KCNN2: variants seen among roughly 807,000 people sequenced by gnomAD.
The protein encoded by KCNN2 is small conductance calcium-activated potassium channel protein 2.
A neutral mutation model predicts 55.5 loss-of-function variants in KCNN2; 24 were observed. The observed-to-expected ratio is 0.43, with a 90% CI of 0.31 to 0.61. The LOEUF is 0.61. Ranked by LOEUF, KCNN2 falls within the 20% of genes least tolerant of loss-of-function variation. The pLI is 0.08. For missense variants in KCNN2, 754 were observed against 853.6 expected (o/e 0.88, Z 1.45); for synonymous variants, 431 against 336.1 (o/e 1.28, Z -3.09).
At chr5:114,384,870 A>G (rs915062324) in intron 2 of KCNN2, among the ~76,000 whole-genome samples, 4 of 152,214 alleles carry the variant, frequency 2.6e-5, no homozygotes, top group East Asian at 1.9e-4. Flanking sequence ...CACATTTGCC[A>G]TCACTTTCTG....
chr5:114,186,098 T>C (rs1050436285), intron 1 of KCNN2, among the ~76,000 whole-genome samples: 1 of 152,216 alleles, frequency 6.6e-6, no homozygotes, highest in African/African-American at 2.4e-5. Flanking sequence ...GTTTCTTTCC[T>C]CTTTCCTTAG....
intron 2 of KCNN2, among the ~76,000 whole-genome samples, chr5:114,299,201 T>C (rs1756099123): frequency 6.6e-6 from 1 of 151,596 alleles, no homozygotes; most frequent in Admixed American, 6.6e-5. Flanking sequence ...TAAGGCTGCC[T>C]CCTCTATGTT....
intron 2 of KCNN2, among the ~76,000 whole-genome samples, chr5:114,286,975 A>T (rs576285324): frequency 9.3e-4 from 142 of 152,348 alleles, no homozygotes; most frequent in Non-Finnish European, 1.7e-3. Flanking sequence ...TCCAATGTAA[A>T]GAAAAACATG....
intron 2 of KCNN2, among the ~76,000 whole-genome samples, chr5:114,254,786 T>C (rs554640892): frequency 2.0e-5 from 3 of 152,292 alleles, no homozygotes; most frequent in Non-Finnish European, 4.4e-5. Flanking sequence ...CCTGAAGCTG[T>C]AACTTAAAAA....
At chr5:114,214,625 A>C (rs2112585599) in intron 1 of KCNN2, among the ~76,000 whole-genome samples, 1 of 152,168 alleles carries the variant, frequency 6.6e-6, no homozygotes, top group East Asian at 1.9e-4. Context: ...ACAATTCCTG[A>C]GGTTTTTTCC....
intron 2 of KCNN2, among the ~76,000 whole-genome samples, chr5:114,279,929 G>A (rs1755586202): frequency 6.6e-6 from 1 of 152,174 alleles, no homozygotes; most frequent in African/African-American, 2.4e-5. Context: ...GTGTAAAAGT[G>A]TTCCTATTTC....
intron 2 of KCNN2, among the ~76,000 whole-genome samples, chr5:114,315,754 C>A (rs1359006510): frequency 2.0e-5 from 3 of 152,012 alleles, no homozygotes; most frequent in Non-Finnish European, 4.4e-5. Context: ...ACCCTGTTAA[C>A]ATACTTTTTA....
intron 2 of KCNN2, among the ~76,000 whole-genome samples, chr5:114,308,264 C>A (rs1756328066): frequency 6.6e-6 from 1 of 152,140 alleles, no homozygotes; most frequent in Non-Finnish European, 1.5e-5. Flanking sequence ...ATTGTCATAT[C>A]TTTGTACAGC....
chr5:114,070,355 A>G (rs1161345450), intron 1 of KCNN2, among the ~76,000 whole-genome samples: 1 of 152,198 alleles, frequency 6.6e-6, no homozygotes, highest in Non-Finnish European at 1.5e-5. Context: ...TTGATGTTTC[A>G]GCTACACTCC....
intron 2 of KCNN2, among the ~76,000 whole-genome samples, chr5:114,227,524 T>C (rs1029052823): frequency 6.6e-6 from 1 of 152,210 alleles, no homozygotes; most frequent in African/African-American, 2.4e-5. Flanking sequence ...CAGTAGATTA[T>C]AAATTCCTTG....
chr5:114,365,900 T>C (rs1423814336), intron 2 of KCNN2, among the ~76,000 whole-genome samples: 3 of 150,504 alleles, frequency 2.0e-5, no homozygotes, highest in Admixed American at 6.6e-5. Flanking sequence ...CTTGTGAAAA[T>C]CACACAGCTA....
At chr5:114,398,789 A>G (rs940242555) in intron 2 of KCNN2, among the ~76,000 whole-genome samples, 2 of 151,908 alleles carry the variant, frequency 1.3e-5, no homozygotes, top group African/African-American at 4.8e-5. Context: ...TAGGTATTTT[A>G]TTCTTTTTGT....
intron 3 of KCNN2, among the ~76,000 whole-genome samples, chr5:114,426,610 C>T (rs1759633278): frequency 6.6e-6 from 1 of 152,014 alleles, no homozygotes; most frequent in Non-Finnish European, 1.5e-5. Context: ...ATTTTATAGG[C>T]CTCTCATTTT....
In KCNN2 at chr5:114,362,592, G is replaced by T. The variant is rs963507540; in HGVS notation, c.453G>T (p.Ser151=). 1.8e-4 allele frequency: 136 copies of T among 759,094 alleles called. No homozygotes were observed. Among genetic ancestry groups the T allele is most frequent in the Non-Finnish European group, 2.4e-4 (122 of 498,112 alleles). The allele number at this position is 759,094 out of a possible 1,614,324, so 47.0% of individuals were successfully genotyped here. A position where few individuals can be genotyped will look rare whatever the true frequency, so the allele number is the denominator to read the frequency against. The change falls in exon 1 of 8, where the codon TCG becomes TCT. Residue 151 remains serine (S), a synonymous_variant. Transcript: ENST00000673685. ...QQYAQQSAQQ[S]ASASQYHQCH... ...ACGCGCAGCAGTCCGCGCAGCAGTC[G>T]GCGTCCGCCTCCCAGTACCACCAGT...
chr5:114,092,871 G>T (rs1203153682), intron 1 of KCNN2, among the ~76,000 whole-genome samples: 1 of 152,182 alleles, frequency 6.6e-6, no homozygotes, highest in Non-Finnish European at 1.5e-5. Context: ...CCTGGCCCAT[G>T]AAACTATTTT....
At chr5:114,367,937 A>G (rs1257914667) in intron 2 of KCNN2, among the ~76,000 whole-genome samples, 1 of 152,228 alleles carries the variant, frequency 6.6e-6, no homozygotes, top group East Asian at 1.9e-4. Context: ...GGGTCCTGGA[A>G]GAATGGCAGA....
chr5:114,121,218 A>T (rs1751824690), intron 1 of KCNN2, among the ~76,000 whole-genome samples: 1 of 152,160 alleles, frequency 6.6e-6, no homozygotes, highest in Non-Finnish European at 1.5e-5. Context: ...CACCTATGGT[A>T]TCATCCCAGG....
rs1580880769 is a variant in KCNN2, at chr5:114,466,703, T to TTTAA, written c.1779+3517_1779+3520dup. On this transcript the variant is annotated intron_variant, in intron 4 of 7. Transcript: ENST00000673685. ...GAGTATGGATGACTGGATTTTTTGG[T>TTTAA]TTAATTATCTTTAAATATCGAGTAA... Among the ~76,000 whole-genome samples the TTTAA allele has an allele frequency of 2.0e-5, 3 of 152,246 alleles. No homozygotes were observed. The South Asian group carries it at 6.2e-4, about 32-fold the overall frequency.
rs1325447748 is a variant in KCNN2, at chr5:114,404,570, G to T, written c.1351G>T (p.Ala451Ser). The T allele has an allele frequency of 1.9e-6, 3 of 1,613,664 alleles. No homozygotes were observed. The highest frequency in any genetic ancestry group is 1.1e-5 in the South Asian group (1 of 91,066). Residue 451 changes from alanine (A) to serine (S), a missense_variant, in exon 3 of 8, where the codon GCC (alanine) becomes TCC (serine). This residue lies in a region of KCNN2 where 123 missense variants were observed against 204.9 expected (regional missense o/e 0.60). Coordinates refer to ENST00000673685, the MANE Select transcript of KCNN2 (RefSeq NM_021614.4). ...TGGGAATTATACATTCACATGGACG[G>T]CCCGGCTTGCCTTCTCCTATGCCCC... ...IPGNYTFTWT[A>S]RLAFSYAPST...
Sources: allele counts gnomAD v4.1 joint callset (sites outside exome capture counted in the v4.1 genomes callset), GRCh38; gene constraint gnomAD v4.1.1; regional missense constraint gnomAD v4.1.1; transcripts MANE v1.5; gene names NCBI Gene and HGNC (gene_info 2026-07-23, HGNC 2026-07-21).